Variants in CDON observed in about 807,000 individuals in gnomAD.
The protein encoded by CDON is cell adhesion associated, oncogene regulated, also known as cell adhesion molecule-related/down-regulated by oncogenes.
CDON carries 73 observed loss-of-function variants against 120.9 expected under a neutral mutation model. The observed-to-expected ratio is 0.60, with a 90% CI of 0.50 to 0.73. The LOEUF is 0.73. CDON is among the 30% of genes least tolerant of loss of function. CDON has a pLI of 0.00. For missense variants in CDON, 1,470 were observed against 1,587.3 expected (o/e 0.93, Z 1.26); for synonymous variants, 566 against 573.5 (o/e 0.99, Z 0.19).
intron 1 of CDON, among the ~76,000 whole-genome samples, chr11:126,053,730 G>A (rs570789908): frequency 3.4e-5 from 5 of 148,732 alleles, no homozygotes; most frequent in South Asian, 2.1e-4. Context: ...TTTTCTAAAC[G>A]AGGATTCCCC....
At chr11:125,973,383 T>G (rs542355150) in intron 18 of CDON, among the ~76,000 whole-genome samples, 1 of 151,982 alleles carries the variant, frequency 6.6e-6, no homozygotes, top group Non-Finnish European at 1.5e-5. Flanking sequence ...ATGCAAAAAA[T>G]TAGCCGGGCG....
intron 11 of CDON, among the ~76,000 whole-genome samples, chr11:125,997,932 G>T (rs1309953489): frequency 6.6e-6 from 1 of 152,196 alleles, no homozygotes; most frequent in Non-Finnish European, 1.5e-5. Context: ...GGCAAAGAGA[G>T]ATAAAATCTG....
At chr11:126,017,543 T>C (rs186643918) in intron 5 of CDON, among the ~76,000 whole-genome samples, 168 bp from the exon 6 acceptor site, 1 of 152,158 alleles carries the variant, frequency 6.6e-6, no homozygotes. Flanking sequence ...TGTGGTCCTT[T>C]AGGGCTACTT....
chr11:125,984,082 G>A lies in CDON; in HGVS notation c.2785C>T (p.Pro929Ser). The A allele has an allele frequency of 6.2e-7, 1 of 1,609,922 alleles. No homozygotes were observed. Among genetic ancestry groups the A allele is most frequent in the Non-Finnish European group, 8.5e-7 (1 of 1,176,170 alleles). Reference protein sequence around the residue: ...MICETKVKRVPGASEYPVKDL... With the variant: ...MICETKVKRVSGASEYPVKDL... The stretch of plus-strand genomic sequence containing the variant: ...TTGACAGGATATTCAGAAGCTCCAG[G>A]AACACGTTTCACTAGTTGAAATATA... Residue 929 changes from proline (P) to serine (S), a missense_variant, in exon 16 of 20, where the codon CCT (proline) becomes TCT (serine). Pro to Ser is a moderately conservative substitution (Grantham distance 74). Transcript: ENST00000531738.
chr11:125,978,492 AATGGGC>A lies in CDON; in HGVS notation c.3277-115_3277-110del. On this transcript the variant is annotated intron_variant, in intron 17 of 19. Coordinates refer to ENST00000531738, the MANE Select transcript of CDON (RefSeq NM_001378964.1). The stretch of plus-strand genomic sequence containing the variant: ...ATACACATGAGCCATGTCAACCATA[AATGGGC>A]ACACAGTATATTCTAACCAACTCCC... 5 of 737,082 alleles carry A rather than the reference AATGGGC, an allele frequency of 6.8e-6. No homozygotes were observed. In the South Asian group the frequency reaches 7.4e-5, roughly 11 times the overall value. 45.7% of individuals were successfully genotyped at this position (737,082 alleles called of 1,614,324 possible).
intron 1 of CDON, among the ~76,000 whole-genome samples, chr11:126,036,642 T>C (rs1417381801): frequency 6.6e-6 from 1 of 152,238 alleles, no homozygotes; most frequent in African/African-American, 2.4e-5. Flanking sequence ...GTGCACAACA[T>C]GAGGGTTTCT....
intron 7 of CDON, among the ~76,000 whole-genome samples, chr11:126,013,259 C>A (rs566569665): frequency 1.3e-5 from 2 of 152,126 alleles, no homozygotes; most frequent in South Asian, 4.1e-4. Context: ...GATATTTACA[C>A]CTATGTTCAT....
chr11:126,025,345 T>C (rs1448478351), intron 1 of CDON, among the ~76,000 whole-genome samples: 1 of 152,154 alleles, frequency 6.6e-6, no homozygotes, highest in African/African-American at 2.4e-5. Flanking sequence ...ATTGGTGGTA[T>C]TGACAAGACT....
rs1385742372 is a variant in CDON at position 125,971,253 on chromosome 11, G to T, written c.3356+7051C>A. Among the ~76,000 whole-genome samples the T allele has an allele frequency of 3.3e-5, 5 of 151,864 alleles. No homozygotes were observed. The South Asian group carries it at 1.0e-3, about 32-fold the overall frequency. The stretch of plus-strand genomic sequence containing the variant: ...AAAAAATTAGCTGGGTGTGGTGGCG[G>T]GCACTTGTAGTCCCAGCAACTCAGG... On this transcript the variant is annotated intron_variant, in intron 18 of 19. Coordinates refer to ENST00000531738, the MANE Select transcript of CDON (RefSeq NM_001378964.1).
chr11:125,998,825 T>G (rs567756717), intron 11 of CDON, among the ~76,000 whole-genome samples: 1 of 152,326 alleles, frequency 6.6e-6, no homozygotes, highest in South Asian at 2.1e-4. Context: ...TCTTTTGGCA[T>G]GCTGACAATC....
intron 15 of CDON, among the ~76,000 whole-genome samples, chr11:125,984,806 C>T (rs903861638): frequency 8.5e-5 from 13 of 152,180 alleles, no homozygotes; most frequent in African/African-American, 3.1e-4. Context: ...TATGCTTCTA[C>T]CATGTATATA....
Position 125,969,085 on chromosome 11 carries a change from G to A in CDON, c.3357-7087C>T, listed in dbSNP as rs138204067. ...GTGATCTCAGCTCACTGCAACCTCC[G>A]CCTCCCAGGTTCAAGTGATTCTCCT... On this transcript the variant is annotated intron_variant, in intron 18 of 19. Transcript: ENST00000531738. Among the ~76,000 whole-genome samples the A allele has an allele frequency of 6.6e-3, 1,005 of 152,166 alleles. 14 individuals carry two copies. The highest frequency in any genetic ancestry group is 0.023 in the African/African-American group (969 of 41,522).
intron 1 of CDON, among the ~76,000 whole-genome samples, chr11:126,029,883 T>C (rs1429968384): frequency 1.3e-5 from 2 of 152,162 alleles, no homozygotes; most frequent in African/African-American, 2.4e-5. Context: ...TTGTAGAACA[T>C]GCACACACAC....
chr11:125,973,100 C>T (rs1157808835), intron 18 of CDON, among the ~76,000 whole-genome samples: 1 of 132,836 alleles, frequency 7.5e-6, no homozygotes, highest in Non-Finnish European at 1.5e-5. Context: ...TCTCAAAATT[C>T]TTCTCTTTCT....
At chr11:126,020,287 G>C (rs759791778) in intron 3 of CDON, among the ~76,000 whole-genome samples, 20 of 152,088 alleles carry the variant, frequency 1.3e-4, no homozygotes, top group Admixed American at 3.3e-4. Flanking sequence ...TCTTTAATCT[G>C]TTTGTAGCTA....
At chr11:126,037,902 A>G (rs1211573319) in intron 1 of CDON, among the ~76,000 whole-genome samples, 1 of 152,190 alleles carries the variant, frequency 6.6e-6, no homozygotes, top group African/African-American at 2.4e-5. Flanking sequence ...ATGAAAAAAC[A>G]CACAAACACT....
chr11:126,034,806 T>C lies in CDON; in HGVS notation c.-61-11269A>G, dbSNP rs1194464104. On this transcript the variant is annotated intron_variant, in intron 1 of 19. Coordinates refer to ENST00000531738, the MANE Select transcript of CDON (RefSeq NM_001378964.1). The surrounding 1 kb of genome is among the most constrained non-coding windows in gnomAD (Gnocchi z 4.5). ...CCCATGGAGTCAACACTTCCACAAA[T>C]CCAGCACTTGGTAGCTTTTCAAGTT... is the stretch of plus-strand genomic sequence containing the variant. Among the ~76,000 whole-genome samples, 1 of 152,196 alleles carries C rather than the reference T, an allele frequency of 6.6e-6. No individual in the cohort carries two copies. The highest frequency in any genetic ancestry group is 1.9e-4 in the East Asian group (1 of 5,196).
intron 1 of CDON, among the ~76,000 whole-genome samples, chr11:126,027,150 G>T (rs549801572): frequency 2.0e-5 from 3 of 152,166 alleles, no homozygotes; most frequent in Non-Finnish European, 2.9e-5. Flanking sequence ...TACTAAACAC[G>T]TGTTGGCTTG....
chr11:126,016,219 C>T (rs2134664470), intron 6 of CDON, among the ~76,000 whole-genome samples: 1 of 152,234 alleles, frequency 6.6e-6, no homozygotes, highest in Non-Finnish European at 1.5e-5. Flanking sequence ...CACTTTCCAC[C>T]TAATTTTTTC....
Sources: gnomAD v4.1 joint callset for allele counts (sites outside exome capture counted in the v4.1 genomes callset) on GRCh38, gnomAD v4.1.1 for gene constraint, Gnocchi (gnomAD v3.1) non-coding constraint, MANE v1.5 for transcripts, NCBI Gene and HGNC (gene_info 2026-07-23, HGNC 2026-07-21) for gene names.